The following MAP3K13 variants were observed in gnomAD, a reference collection of about 807,000 sequenced individuals.
The protein encoded by MAP3K13 is mitogen-activated protein kinase kinase kinase 13.
A neutral mutation model predicts 104.0 loss-of-function variants in MAP3K13; 52 were observed. The observed-to-expected ratio is 0.50, with a 90% CI of 0.40 to 0.63. The LOEUF is 0.63. Among genes scored for constraint, MAP3K13 ranks in the 20% least tolerant of loss-of-function variants. The probability of loss-of-function intolerance (pLI) is 0.00; values close to 1 mark genes in which losing one functional copy is unlikely to be tolerated. For synonymous variants in MAP3K13, 394 were observed against 442.2 expected (o/e 0.89, Z 1.37); for missense variants, 914 against 1,218.5 (o/e 0.75, Z 3.72).
intron 12 of MAP3K13, among the ~76,000 whole-genome samples, chr3:185,479,906 T>C (rs1718347763): frequency 6.6e-6 from 1 of 152,080 alleles, no homozygotes; most frequent in South Asian, 2.1e-4. Context: ...GGAGAGAATC[T>C]CTTCCTCTTT....
intron 4 of MAP3K13, among the ~76,000 whole-genome samples, chr3:185,445,787 A>G (rs1410163227): frequency 6.6e-6 from 1 of 152,192 alleles, no homozygotes; most frequent in East Asian, 1.9e-4. Flanking sequence ...GTCTCAGAGA[A>G]GATTTCAGAA....
intron 10 of MAP3K13, among the ~76,000 whole-genome samples, chr3:185,470,096 C>G (rs1426312939): frequency 6.6e-6 from 1 of 152,212 alleles, no homozygotes; most frequent in African/African-American, 2.4e-5. Flanking sequence ...CTGCTCTCCA[C>G]TTCAACCGGT....
chr3:185,452,088 T>A (rs1190862603), intron 7 of MAP3K13, among the ~76,000 whole-genome samples: 2 of 152,190 alleles, frequency 1.3e-5, no homozygotes, highest in African/African-American at 2.4e-5. Flanking sequence ...GGAGGTTAAA[T>A]ACCACAATGA....
At chr3:185,324,774 T>TA (rs139261905) in intron 2 of MAP3K13, among the ~76,000 whole-genome samples, 1 of 150,660 alleles carries the variant, frequency 6.6e-6, no homozygotes, top group African/African-American at 2.4e-5. Context: ...GTAAACTCTT[T>TA]AAAAAAATGA....
intron 2 of MAP3K13, among the ~76,000 whole-genome samples, chr3:185,299,553 C>CTTTTT (rs1195743775): frequency 5.6e-4 from 4 of 7,092 alleles, no homozygotes; most frequent in Non-Finnish European, 9.2e-4. Flanking sequence ...CTCTCTCTCT[C>CTTTTT]TTTTTTTTTT....
At position 185,486,349 on chromosome 3, in the gene MAP3K13, T is replaced by A. The variant is rs1323792495; in HGVS notation, c.*3893T>A. 1 of 152,202 alleles carries A rather than the reference T, an allele frequency of 6.6e-6. No homozygotes were observed. Among genetic ancestry groups the A allele is most frequent in the Non-Finnish European group, 1.5e-5 (1 of 68,040 alleles). 9.4% of individuals were successfully genotyped at this position (152,202 alleles called of 1,614,324 possible). A position where few individuals can be genotyped will look rare whatever the true frequency, so the allele number is the denominator to read the frequency against. ...AGTCGAGAGTTGAATAAAGTCCATATTGAACACATTTTTTTAAGTAGAATT... is the reference window on the plus strand; with the variant it reads ...AGTCGAGAGTTGAATAAAGTCCATAATGAACACATTTTTTTAAGTAGAATT... On this transcript the variant is annotated 3_prime_UTR_variant, in exon 14 of 14. Coordinates refer to ENST00000265026, the MANE Select transcript of MAP3K13 (RefSeq NM_004721.5).
At chr3:185,326,832 T>G (rs1722057861) in intron 2 of MAP3K13, among the ~76,000 whole-genome samples, 1 of 152,200 alleles carries the variant, frequency 6.6e-6, no homozygotes, top group Non-Finnish European at 1.5e-5. Flanking sequence ...TAATCTTGAT[T>G]TGCATTTATA....
chr3:185,447,152 A>C (rs933928377), intron 4 of MAP3K13, among the ~76,000 whole-genome samples: 1 of 152,184 alleles, frequency 6.6e-6, no homozygotes, highest in Admixed American at 6.5e-5. Flanking sequence ...TTTGTGAATA[A>C]GACCTGAAGA....
chr3:185,422,257 C>T (rs1183527005), intron 1 of MAP3K13, among the ~76,000 whole-genome samples: 2 of 152,208 alleles, frequency 1.3e-5, no homozygotes, highest in East Asian at 3.8e-4. Flanking sequence ...AACAAACAAC[C>T]ATGCTAGTGG....
intron 2 of MAP3K13, among the ~76,000 whole-genome samples, chr3:185,301,522 A>C (rs1361591886): frequency 6.6e-6 from 1 of 152,218 alleles, no homozygotes; most frequent in Non-Finnish European, 1.5e-5. Flanking sequence ...ATATCCAAAT[A>C]ATAATTGCCA....
At chr3:185,404,444 G>A (rs997635181) in intron 1 of MAP3K13, among the ~76,000 whole-genome samples, 1 of 152,208 alleles carries the variant, frequency 6.6e-6, no homozygotes, top group Non-Finnish European at 1.5e-5. Flanking sequence ...TTACACTTGA[G>A]CGTGAGAGCT....
chr3:185,339,789 A>T (rs1722649767), intron 2 of MAP3K13, among the ~76,000 whole-genome samples: 1 of 152,220 alleles, frequency 6.6e-6, no homozygotes, highest in South Asian at 2.1e-4. Context: ...TAGTTTGTCT[A>T]CCTCTGCTTT....
At chr3:185,453,766 C>T (rs1271375098) in intron 7 of MAP3K13, among the ~76,000 whole-genome samples, 1 of 129,208 alleles carries the variant, frequency 7.7e-6, no homozygotes, top group Admixed American at 8.3e-5. Context: ...GAGACTCCGT[C>T]TAAAAAAAAA....
At chr3:185,359,424 T>A (rs915084441), upstream of MAP3K13, among the ~76,000 whole-genome samples, 1 of 152,172 alleles carries the variant, frequency 6.6e-6, no homozygotes, top group Non-Finnish European at 1.5e-5. Context: ...TGTTCAAGAT[T>A]TATTATAAGC....
rs1045900711 is a variant in MAP3K13, at chr3:185,418,548, G to A, written c.-85-9949G>A. 16 of 1,612,068 alleles carry A rather than the reference G, an allele frequency of 9.9e-6. No homozygotes were observed. Among genetic ancestry groups the A allele is most frequent in the Non-Finnish European group, 1.2e-5 (14 of 1,179,828 alleles). On this transcript the variant is annotated intron_variant, in intron 1 of 13. Coordinates refer to ENST00000265026, the MANE Select transcript of MAP3K13 (RefSeq NM_004721.5). This position sits in a 1 kb window ranked among gnomAD's most constrained non-coding sequence, Gnocchi z 4.5. ...GGTGAGTCCCACCACCTCGAACTCTGGGAATTCGAGCCATAGCTCTGCCAG... is the reference window on the plus strand; with the variant it reads ...GGTGAGTCCCACCACCTCGAACTCTAGGAATTCGAGCCATAGCTCTGCCAG...
chr3:185,300,583 C>T (rs1721070561), intron 2 of MAP3K13, among the ~76,000 whole-genome samples: 1 of 152,070 alleles, frequency 6.6e-6, no homozygotes, highest in Non-Finnish European at 1.5e-5. Context: ...CCTCCAGCCT[C>T]CCAGGTTCAA....
At chr3:185,480,677 C>G (rs1321588743) in intron 13 of MAP3K13, 148 bp downstream of exon 13, 1 of 815,386 alleles carries the variant, frequency 1.2e-6, no homozygotes, top group Non-Finnish European at 1.9e-6. Flanking sequence ...TAAAGAACTA[C>G]CTGAGACTGG....
rs1461544790 is a variant in MAP3K13 at position 185,487,068 on chromosome 3, TCTC to T, written c.*4615_*4617del. 6.6e-6 allele frequency: 1 copy of T among 152,210 alleles called. No individual in the cohort carries two copies. Among genetic ancestry groups the T allele is most frequent in the Non-Finnish European group, 1.5e-5 (1 of 68,022 alleles). 9.4% of individuals were successfully genotyped at this position (152,210 alleles called of 1,614,324 possible). A position where few individuals can be genotyped will look rare whatever the true frequency, so the allele number is the denominator to read the frequency against. On this transcript the variant is annotated 3_prime_UTR_variant, in exon 14 of 14. Transcript: ENST00000265026. ...AGTAGGATTTAGTAAGTACTGGACA[TCTC>T]CTGTAGAGCTTCATCATGCTAAATT...
At chr3:185,379,081 C>G (rs965381944) in intron 1 of MAP3K13, among the ~76,000 whole-genome samples, 34 of 152,254 alleles carry the variant, frequency 2.2e-4, no homozygotes, top group African/African-American at 6.7e-4. Flanking sequence ...AGGGGGCGGG[C>G]AGCAGCCCCA....
Sources: allele counts gnomAD v4.1 joint callset (sites outside exome capture counted in the v4.1 genomes callset), GRCh38; gene constraint gnomAD v4.1.1; non-coding constraint Gnocchi (gnomAD v3.1); transcripts MANE v1.5; gene names NCBI Gene and HGNC (gene_info 2026-07-23, HGNC 2026-07-21).